CENPF: variants seen among roughly 807,000 people sequenced by gnomAD.
CENPF encodes centromere protein F.
CENPF carries 214 observed loss-of-function variants against 307.3 expected under a neutral mutation model. That is an observed-to-expected ratio of 0.70 (90% CI 0.62 to 0.78). The LOEUF (loss-of-function observed/expected upper bound fraction) is 0.78. Ranked by LOEUF, CENPF falls within the 30% of genes least tolerant of loss-of-function variation. The pLI is 0.00. For synonymous variants in CENPF, 1,259 were observed against 1,270.6 expected, an observed-to-expected ratio of 0.99 and a Z score of 0.19; for missense variants, 3,401 against 3,483.9, an observed-to-expected ratio of 0.98 and a Z score of 0.60.
chr1:214,610,019 CTT>C (rs34695664), intron 1 of CENPF, among the ~76,000 whole-genome samples: 6,719 of 130,268 alleles, frequency 0.052, 210 homozygotes, highest in East Asian at 0.12. Context: ...GTGCATGTGC[CTT>C]TTTTTTTTTT....
Position 214,663,674 on chromosome 1 carries a change from T to G in CENPF, c.9225T>G (p.Leu3075=). 1.2e-6 allele frequency: 2 copies of G among 1,613,930 alleles called. No individual in the cohort carries two copies. The highest frequency in any genetic ancestry group is 1.7e-6 in the Non-Finnish European group (2 of 1,179,994). The change falls in exon 20 of 20, where the codon CTT becomes CTG. Residue 3075 remains leucine (L), a synonymous_variant. Transcript: ENST00000366955. ...CGAAATCCGTCCCAGTCAATAATCT[T>G]CCTGAGAGAAGTCCGACTGACAGCC... ...PTTKSVPVNN[L]PERSPTDSPR...
rs929539301 is a variant in CENPF, at chr1:214,614,418, T to C, written c.163-414T>C. ...AAAACTAAACAGTACTTTTTAAAAATTACCTCTCTATTAGCCAACTAAATA... is the reference window on the plus strand; with the variant it reads ...AAAACTAAACAGTACTTTTTAAAAACTACCTCTCTATTAGCCAACTAAATA... On this transcript the variant is annotated intron_variant, in intron 2 of 19. Coordinates refer to ENST00000366955, the MANE Select transcript of CENPF (RefSeq NM_016343.4). 2.6e-5 allele frequency among the ~76,000 whole-genome samples: 4 copies of C among 152,182 alleles called. No individual in the cohort carries two copies. In the East Asian group the frequency reaches 7.7e-4, roughly 29 times the overall value.
At chr1:214,621,025 A>G (rs1414657120) in intron 6 of CENPF, 79 bp downstream of exon 6, 1 of 1,380,014 alleles carries the variant, frequency 7.2e-7, no homozygotes, top group East Asian at 2.3e-5. Context: ...TTTTAATCCC[A>G]TAAAGTGCTT....
rs1265908078 is a variant in CENPF at position 214,651,710 on chromosome 1, G to A, written c.7984G>A (p.Asp2662Asn). Residue 2662 changes from aspartate (D) to asparagine (N), a missense_variant and splice_region_variant, in exon 15 of 20, where the codon GAT (aspartate) becomes AAT (asparagine). By Grantham distance (23) the Asp-to-Asn change is conservative. Coordinates refer to ENST00000366955, the MANE Select transcript of CENPF (RefSeq NM_016343.4). ...LLLEEIKSSKDQLKELTLENS... is the reference protein window; with the variant it reads ...LLLEEIKSSKNQLKELTLENS... ...ATGATTTTATTATTTTTCTGTTTAG[G>A]ATCAATTGAAGGAGCTCACACTAGA... 6.4e-7 allele frequency: 1 copy of A among 1,573,006 alleles called. No homozygotes were observed. Among genetic ancestry groups the A allele is most frequent in the South Asian group, 1.2e-5 (1 of 83,820 alleles).
At chr1:214,638,394 A>C (rs1314355033) in intron 11 of CENPF, among the ~76,000 whole-genome samples, 1 of 152,136 alleles carries the variant, frequency 6.6e-6, no homozygotes, top group African/African-American at 2.4e-5. Context: ...TAATGGAAAA[A>C]CCCTATATTA....
chr1:214,644,833 A>C lies in CENPF; in HGVS notation c.5263A>C (p.Asn1755His). The C allele has an allele frequency of 1.2e-6, 2 of 1,614,076 alleles. No homozygotes were observed. Among genetic ancestry groups the C allele is most frequent in the Non-Finnish European group, 1.7e-6 (2 of 1,179,982 alleles). ...TTCTGAATTGTCATTTTCTGGTCCT[A>C]ATGCTTTGGTACCTATGGATTTCCT... ...CISELSFSGP[N>H]ALVPMDFLGN... The change falls in exon 13 of 20, where the codon AAT becomes CAT. Residue 1755 changes from asparagine to histidine, a missense_variant. Transcript: ENST00000366955.
chr1:214,648,019 AT>A (rs1246480045), intron 13 of CENPF: 3 of 483,768 alleles, frequency 6.2e-6, no homozygotes, highest in Non-Finnish European at 1.2e-5. Flanking sequence ...TTAAAGAAAA[AT>A]TAAGTTTTGG....
chr1:214,613,935 T>C lies in CENPF; in HGVS notation c.162+19T>C. 2 of 1,591,952 alleles carry C rather than the reference T, an allele frequency of 1.3e-6. No homozygotes were observed. The highest frequency in any genetic ancestry group is 2.3e-5 in the East Asian group (1 of 44,382). ...ACAGAAGGTACCCCTGAAGCTCTGGTATTTGTAGCTGTTCACTCATTATTG... is the reference window on the plus strand; with the variant it reads ...ACAGAAGGTACCCCTGAAGCTCTGGCATTTGTAGCTGTTCACTCATTATTG... On this transcript the variant is annotated intron_variant, in intron 2 of 19. Transcript: ENST00000366955.
chr1:214,623,285 A>T (rs143914577), intron 7 of CENPF, among the ~76,000 whole-genome samples: 1 of 152,200 alleles, frequency 6.6e-6, no homozygotes, highest in Non-Finnish European at 1.5e-5. Flanking sequence ...CAAATACATT[A>T]TTACAAATAT....
At position 214,640,712 on chromosome 1, in the gene CENPF, G is replaced by T. The variant is rs1658086743; in HGVS notation, c.2374G>T (p.Ala792Ser). The T allele has an allele frequency of 6.2e-7, 1 of 1,613,942 alleles. No individual in the cohort carries two copies. The highest frequency in any genetic ancestry group is 1.7e-5 in the Admixed American group (1 of 59,984). Residue 792 changes from alanine to serine, a missense_variant, in exon 12 of 20, where the codon GCC (alanine) becomes TCC (serine). Coordinates refer to ENST00000366955, the MANE Select transcript of CENPF (RefSeq NM_016343.4). ...TCTTTTGGCTTTTGATCAGCAGCCT[G>T]CCATGCATCATTCCTTTGCAAATAT... is the stretch of plus-strand genomic sequence containing the variant. ...RSLLAFDQQP[A>S]MHHSFANIIG...
At chr1:214,638,765 C>T (rs1016942932) in intron 11 of CENPF, among the ~76,000 whole-genome samples, 1 of 152,172 alleles carries the variant, frequency 6.6e-6, no homozygotes, top group African/African-American at 2.4e-5. Flanking sequence ...GATTGCGCCA[C>T]TGCACTCCAG....
intron 16 of CENPF, among the ~76,000 whole-genome samples, chr1:214,653,321 C>G (rs1157470939): frequency 6.6e-6 from 1 of 152,164 alleles, no homozygotes; most frequent in Non-Finnish European, 1.5e-5. Flanking sequence ...CGGGCAATTC[C>G]AAAATCTTGA....
In CENPF at chr1:214,643,315, C is replaced by A; in HGVS notation, c.4977C>A (p.Asp1659Glu). ...GTTCTCGGTCTTTGCTTGGCATCGA[C>A]ACAGAAGATGTAAGTACCTGGGATT... The part of the protein sequence containing the change: ...DLSSRSLLGI[D>E]TEDAIQGRNE... The change falls in exon 12 of 20, where the codon GAC (aspartate) becomes GAA (glutamate). Residue 1659 changes from aspartate to glutamate, a missense_variant. By Grantham distance (45) the Asp-to-Glu change is conservative. Transcript: ENST00000366955. 6.7e-7 allele frequency: 1 copy of A among 1,496,014 alleles called. No individual in the cohort carries two copies. Among genetic ancestry groups the A allele is most frequent in the Non-Finnish European group, 8.9e-7 (1 of 1,125,720 alleles). The allele number at this position is 1,496,014 out of a possible 1,614,324, so 92.7% of individuals were successfully genotyped here.
At position 214,605,809 on chromosome 1, in the gene CENPF, G is replaced by C. The variant is rs2457960; in HGVS notation, c.-42+2488G>C. ...CCACCGCCTTGGGGCAGCGCTCGTA[G>C]AGCGCCAGCCCGTGCGAGAAGTCGA... On this transcript the variant is annotated intron_variant, in intron 1 of 19. Transcript: ENST00000366955. 9.4e-4 allele frequency: 1,490 copies of C among 1,591,486 alleles called. 19 individuals are homozygous for C. In the African/African-American group the frequency reaches 0.018, roughly 19 times the overall value.
Position 214,645,017 on chromosome 1 carries a change from T to C in CENPF, c.5447T>C (p.Val1816Ala), listed in dbSNP as rs566391082. 81 of 1,613,692 alleles carry C rather than the reference T, an allele frequency of 5.0e-5. No homozygotes were observed. In the South Asian group the frequency reaches 8.7e-4, roughly 17 times the overall value. Residue 1816 changes from valine (V) to alanine (A), a missense_variant, in exon 13 of 20, where the codon GTA becomes GCA. Physicochemically the swap from Val to Ala is moderately conservative, Grantham distance 64. Transcript: ENST00000366955. ...GACTCAAAACTCCATTTACAGGAGG[T>C]ACAACTAATGACCAAAATTGAAGCA... ...ELDSKLHLQE[V>A]QLMTKIEACI...
At chr1:214,605,505 C>G in intron 1 of CENPF, 1 of 544,076 alleles carries the variant, frequency 1.8e-6, no homozygotes, top group Non-Finnish European at 3.2e-6. Context: ...TTCTTGCTTC[C>G]AAAAGGAAAG....
Position 214,645,402 on chromosome 1 carries a change from G to C in CENPF, c.5832G>C (p.Lys1944Asn), listed in dbSNP as rs1162748474. Residue 1944 changes from lysine (K) to asparagine (N), a missense_variant, in exon 13 of 20, where the codon AAG becomes AAC. Physicochemically the swap from Lys to Asn is moderately conservative, Grantham distance 94. Transcript: ENST00000366955. ...CLEKDNENKQ[K>N]VIVCLEEELS... ...AAAAAGACAATGAAAATAAGCAGAAGGTTATTGTCTGCCTTGAAGAAGAAC... is the reference window on the plus strand; with the variant it reads ...AAAAAGACAATGAAAATAAGCAGAACGTTATTGTCTGCCTTGAAGAAGAAC... The C allele has an allele frequency of 6.2e-7, 1 of 1,614,056 alleles. No homozygotes were observed. Among genetic ancestry groups the C allele is most frequent in the South Asian group, 1.1e-5 (1 of 91,064 alleles).
Position 214,647,287 on chromosome 1 carries a change from C to T in CENPF, c.7717C>T (p.Gln2573Ter). 2 of 1,614,050 alleles carry T rather than the reference C, an allele frequency of 1.2e-6. No homozygotes were observed. Among genetic ancestry groups the T allele is most frequent in the South Asian group, 1.1e-5 (1 of 91,074 alleles). Residue 2573 changes from glutamine (Q) to a stop codon, truncating the protein, a stop_gained, in exon 13 of 20, where the codon CAA becomes TAA. Transcript: ENST00000366955. LOFTEE classifies it high-confidence loss of function. ...VELEQKIQVLQSKNASLQDTL... is the reference protein window; with the variant it reads ...VELEQKIQVL ...ATTGGAGCAGAAGATCCAAGTGCTA[C>T]AATCCAAAAATGCCTCTTTGCAGGA...
At chr1:214,643,815 G>T (rs1658204378) in intron 12 of CENPF, among the ~76,000 whole-genome samples, 7 of 152,130 alleles carry the variant, frequency 4.6e-5, no homozygotes, top group Admixed American at 4.6e-4. Context: ...ATTTACTGTG[G>T]TACAAAAATA....
Sources: gnomAD v4.1 joint callset for allele counts (sites outside exome capture counted in the v4.1 genomes callset) on GRCh38, gnomAD v4.1.1 for gene constraint, MANE v1.5 for transcripts, NCBI Gene and HGNC (gene_info 2026-07-23, HGNC 2026-07-21) for gene names.